EBF2: variants seen among roughly 807,000 people sequenced by gnomAD.
EBF2 encodes transcription factor COE2.
In EBF2, 21 loss-of-function variants were observed where a neutral mutation model predicts 72.8. That is an observed-to-expected ratio of 0.29 (90% CI 0.20 to 0.42). The LOEUF is 0.42. EBF2 is among the 10% of genes least tolerant of loss of function. The probability of loss-of-function intolerance (pLI) is 1.00; values close to 1 mark genes in which losing one functional copy is unlikely to be tolerated. For synonymous variants in EBF2, 299 were observed against 274.2 expected (o/e 1.09, Z -0.89); for missense variants, 637 against 731.2 (o/e 0.87, Z 1.49).
chr8:26,001,176 A>G (rs4269551), intron 6 of EBF2, among the ~76,000 whole-genome samples: 83,217 of 152,012 alleles, frequency 0.55, 24,187 homozygotes, highest in Admixed American at 0.64. Context: ...GCCCTCAAAG[A>G]GCACCATTCT....
intron 6 of EBF2, among the ~76,000 whole-genome samples, chr8:26,001,520 G>T (rs989608082): frequency 5.3e-5 from 8 of 151,898 alleles, no homozygotes; most frequent in African/African-American, 1.9e-4. Flanking sequence ...ATTAAACATG[G>T]CATACATATA....
Position 25,844,119 on chromosome 8 carries a change from C to G in EBF2, c.*490G>C, listed in dbSNP as rs1801785097. On this transcript the variant is annotated 3_prime_UTR_variant, in exon 16 of 16. Transcript: ENST00000520164. Reference sequence around the variant, plus strand: ...ACATACAACATTTCATCATTCAATTCAGGTTGCGTTTTAAGAAAGTCTTCC... The same window carrying G: ...ACATACAACATTTCATCATTCAATTGAGGTTGCGTTTTAAGAAAGTCTTCC... 1 of 153,230 alleles carries G rather than the reference C, an allele frequency of 6.5e-6. No individual in the cohort carries two copies. The highest frequency in any genetic ancestry group is 2.4e-5 in the African/African-American group (1 of 41,380). The allele number at this position is 153,230 out of a possible 1,614,324, so 9.5% of individuals were successfully genotyped here.
intron 10 of EBF2, among the ~76,000 whole-genome samples, chr8:25,866,372 C>A (rs1238814632): frequency 1.3e-5 from 2 of 148,584 alleles, no homozygotes; most frequent in Non-Finnish European, 3.0e-5. Flanking sequence ...GTTATCAGGA[C>A]TTCTTGGAGT....
At chr8:25,931,983 T>A (rs188616108) in intron 6 of EBF2, among the ~76,000 whole-genome samples, 73 of 152,226 alleles carry the variant, frequency 4.8e-4, no homozygotes, top group African/African-American at 1.6e-3. Flanking sequence ...TTTCAGAGAG[T>A]TTGATTGGCT....
intron 7 of EBF2, among the ~76,000 whole-genome samples, chr8:25,904,296 T>G (rs1296412078): frequency 6.6e-6 from 1 of 151,342 alleles, no homozygotes; most frequent in Non-Finnish European, 1.5e-5. Flanking sequence ...TGTTTCAGTA[T>G]TTTTTATGTC....
chr8:25,966,684 A>G (rs1202790652), intron 6 of EBF2, among the ~76,000 whole-genome samples: 1 of 152,232 alleles, frequency 6.6e-6, no homozygotes, highest in Admixed American at 6.5e-5. Context: ...CTCAGAAAAG[A>G]CTGAGCCTGA....
chr8:25,930,237 A>C (rs1422033747), intron 6 of EBF2, among the ~76,000 whole-genome samples: 1 of 152,100 alleles, frequency 6.6e-6, no homozygotes, highest in East Asian at 1.9e-4. Context: ...CAACTAAATG[A>C]GGACACTTGA....
At chr8:26,024,106 C>G (rs1020265494) in intron 6 of EBF2, among the ~76,000 whole-genome samples, 1 of 152,124 alleles carries the variant, frequency 6.6e-6, no homozygotes, top group African/African-American at 2.4e-5. Context: ...TACCCAAGTA[C>G]CTCTAAAACT....
intron 6 of EBF2, among the ~76,000 whole-genome samples, chr8:25,923,098 G>A (rs1348362034): frequency 7.2e-5 from 11 of 152,244 alleles, no homozygotes; most frequent in Admixed American, 3.9e-4. Flanking sequence ...GACAGGGTCC[G>A]GAAGCATGGG....
rs1314931898 is a variant in EBF2 at position 25,862,706 on chromosome 8, T to C, written c.1098+3A>G. 7 of 1,584,000 alleles carry C rather than the reference T, an allele frequency of 4.4e-6. No individual in the cohort carries two copies. On this transcript the variant is annotated splice_donor_region_variant and intron_variant, in intron 11 of 15. Coordinates refer to ENST00000520164, the MANE Select transcript of EBF2 (RefSeq NM_022659.4). ...TCACATGTCAATTTCCAAAGCACAT[T>C]ACCTTAGCTAATCTCTCAGGATCTC...
At chr8:26,036,476 G>A (rs1016376487) in intron 5 of EBF2, among the ~76,000 whole-genome samples, 4 of 152,126 alleles carry the variant, frequency 2.6e-5, no homozygotes, top group African/African-American at 9.7e-5. Context: ...ATAGAACTTG[G>A]TTGAATTAGC....
At chr8:25,969,096 T>C (rs1804155206) in intron 6 of EBF2, among the ~76,000 whole-genome samples, 1 of 152,160 alleles carries the variant, frequency 6.6e-6, no homozygotes, top group Non-Finnish European at 1.5e-5. Context: ...TTAATGGTAA[T>C]TGATCTCTGG....
chr8:26,039,967 C>T, intron 5 of EBF2, 61 bp downstream of exon 5: 2 of 1,582,194 alleles, frequency 1.3e-6, no homozygotes, highest in Admixed American at 1.7e-5. Flanking sequence ...CGCGGCGCGC[C>T]AAGGCGGGGC....
chr8:25,981,883 A>T (rs1804367420), intron 6 of EBF2, among the ~76,000 whole-genome samples: 1 of 152,172 alleles, frequency 6.6e-6, no homozygotes, highest in Admixed American at 6.5e-5. Context: ...AAATGGAAAG[A>T]TCTAGATGTA....
intron 10 of EBF2, among the ~76,000 whole-genome samples, chr8:25,883,061 C>T (rs1175665343): frequency 6.6e-6 from 1 of 152,230 alleles, no homozygotes; most frequent in Admixed American, 6.5e-5. Flanking sequence ...CAAATCACTT[C>T]TGCTTAGGTT....
intron 6 of EBF2, among the ~76,000 whole-genome samples, chr8:25,951,705 G>T (rs1803864428): frequency 6.6e-6 from 1 of 152,142 alleles, no homozygotes; most frequent in Non-Finnish European, 1.5e-5. Context: ...ACCAAGGAAA[G>T]AATGAGGTTG....
At chr8:25,922,952 A>AC (rs2117136491) in intron 6 of EBF2, among the ~76,000 whole-genome samples, 1 of 128,534 alleles carries the variant, frequency 7.8e-6, no homozygotes, top group East Asian at 3.0e-4. Context: ...CAACTACTAA[A>AC]GGAAAAAAAA....
chr8:25,976,012 A>G (rs892613906), intron 6 of EBF2, among the ~76,000 whole-genome samples: 4 of 152,212 alleles, frequency 2.6e-5, no homozygotes, highest in Non-Finnish European at 5.9e-5. Context: ...AACCAAAGCC[A>G]GAAACGTCCA....
intron 6 of EBF2, among the ~76,000 whole-genome samples, chr8:25,998,674 C>T (rs1804675153): frequency 6.6e-6 from 1 of 152,054 alleles, no homozygotes; most frequent in South Asian, 2.1e-4. Flanking sequence ...TGAGTATTAC[C>T]AGGGCTTAGA....
Sources: gnomAD v4.1 joint callset for allele counts (sites outside exome capture counted in the v4.1 genomes callset) on GRCh38, gnomAD v4.1.1 for gene constraint, MANE v1.5 for transcripts, NCBI Gene and HGNC (gene_info 2026-07-23, HGNC 2026-07-21) for gene names.